The following RTN1 variants were observed in gnomAD, a reference collection of about 807,000 sequenced individuals.
RTN1 encodes reticulon 1.
In RTN1, 25 loss-of-function variants were observed where a neutral mutation model predicts 65.5. The observed-to-expected ratio is 0.38, with a 90% CI of 0.28 to 0.53. The LOEUF is 0.53. Ranked by LOEUF, RTN1 falls within the 20% of genes least tolerant of loss-of-function variation. RTN1 has a pLI of 0.79. For missense variants in RTN1, 983 were observed against 1,025.4 expected (o/e 0.96, Z 0.57); for synonymous variants, 471 against 447.6 (o/e 1.05, Z -0.66).
At chr14:59,611,353 A>G (rs1713011216) in intron 3 of RTN1, among the ~76,000 whole-genome samples, 1 of 152,178 alleles carries the variant, frequency 6.6e-6, no homozygotes, top group African/African-American at 2.4e-5. Context: ...CTGGCGTGGC[A>G]CTGCTGACCC....
chr14:59,805,237 GT>G (rs1468762658), intron 1 of RTN1, among the ~76,000 whole-genome samples: 3 of 152,146 alleles, frequency 2.0e-5, no homozygotes, highest in East Asian at 3.9e-4. Context: ...TATTCTGGTT[GT>G]TTTGATACTT....
At chr14:59,859,294 T>G (rs181347158) in intron 1 of RTN1, among the ~76,000 whole-genome samples, 1 of 152,216 alleles carries the variant, frequency 6.6e-6, no homozygotes, top group East Asian at 1.9e-4. Context: ...GTTCTCGTGA[T>G]AGCGAGATCT....
At chr14:59,714,232 TAAAA>T (rs66785056) in intron 3 of RTN1, among the ~76,000 whole-genome samples, 7,626 of 127,756 alleles carry the variant, frequency 0.06, 246 homozygotes, top group Non-Finnish European at 0.089. Context: ...AGACTCCGTC[TAAAA>T]AAAAAAAAAA....
At chr14:59,730,333 T>G (rs1269901734) in intron 2 of RTN1, among the ~76,000 whole-genome samples, 1 of 152,150 alleles carries the variant, frequency 6.6e-6, no homozygotes, top group Non-Finnish European at 1.5e-5. Flanking sequence ...AGAAAAAGAA[T>G]GAAATTAAAC....
intron 3 of RTN1, among the ~76,000 whole-genome samples, chr14:59,651,083 T>C (rs372967067): frequency 6.6e-6 from 1 of 152,130 alleles, no homozygotes; most frequent in East Asian, 1.9e-4. Context: ...GCTAAGGCAA[T>C]CACAAGCAAA....
Position 59,732,353 on chromosome 14 carries a change from C to A in RTN1, c.1016-4685G>T, listed in dbSNP as rs527960400. Among the ~76,000 whole-genome samples the A allele has an allele frequency of 2.0e-5, 3 of 152,286 alleles. No homozygotes were observed. In the South Asian group the frequency reaches 6.2e-4, roughly 32 times the overall value. On this transcript the variant is annotated intron_variant, in intron 2 of 8. Transcript: ENST00000267484. The stretch of plus-strand genomic sequence containing the variant: ...GAATAGAATCAGCTTCGGTCCCTGG[C>A]ACTCATGGAGAGGAACGAAAGGGGC...
In RTN1 at chr14:59,829,743, A is replaced by G. The variant is rs1887094276; in HGVS notation, c.241+40647T>C. ...TGCTTCCACAAAGCAAGAGGAAGGAAATGTGGTGAAGCACATACTCACTCT... is the reference window on the plus strand; with the variant it reads ...TGCTTCCACAAAGCAAGAGGAAGGAGATGTGGTGAAGCACATACTCACTCT... On this transcript the variant is annotated intron_variant, in intron 1 of 8. Coordinates refer to ENST00000267484, the MANE Select transcript of RTN1 (RefSeq NM_021136.3). This position sits in a 1 kb window ranked among gnomAD's most constrained non-coding sequence, Gnocchi z 4.3. 6.6e-6 allele frequency among the ~76,000 whole-genome samples: 1 copy of G among 152,178 alleles called. No individual in the cohort carries two copies. The highest frequency in any genetic ancestry group is 2.4e-5 in the African/African-American group (1 of 41,438).
At chr14:59,841,273 A>G (rs1185825181) in intron 1 of RTN1, among the ~76,000 whole-genome samples, 1 of 152,236 alleles carries the variant, frequency 6.6e-6, no homozygotes, top group Non-Finnish European at 1.5e-5. Context: ...CAAGTAATGA[A>G]GGAATAAAAC....
intron 3 of RTN1, among the ~76,000 whole-genome samples, chr14:59,656,573 A>T (rs1034129459): frequency 6.6e-6 from 1 of 152,146 alleles, no homozygotes; most frequent in East Asian, 1.9e-4. Flanking sequence ...GCAGCTTTAC[A>T]TGGTCACTTG....
At chr14:59,818,597 G>A (rs1030060299) in intron 1 of RTN1, among the ~76,000 whole-genome samples, 7 of 152,076 alleles carry the variant, frequency 4.6e-5, no homozygotes, top group African/African-American at 1.7e-4. Flanking sequence ...CCATGTCTTT[G>A]TCATCGCGAA....
rs1275363189 is a variant in RTN1 at position 59,853,935 on chromosome 14, G to T, written c.241+16455C>A. Reference sequence around the variant, plus strand: ...GCTGGAGTGCAGAAGTGTAATCTCGGCTCACTGCAACCTCCGCCTCCTGGG... The same window carrying T: ...GCTGGAGTGCAGAAGTGTAATCTCGTCTCACTGCAACCTCCGCCTCCTGGG... On this transcript the variant is annotated intron_variant, in intron 1 of 8. Transcript: ENST00000267484. Among the ~76,000 whole-genome samples the T allele has an allele frequency of 5.3e-5, 8 of 149,994 alleles. No individual in the cohort carries two copies. The East Asian group carries it at 1.6e-3, about 30-fold the overall frequency.
chr14:59,632,335 T>G (rs1330015645), intron 3 of RTN1, among the ~76,000 whole-genome samples: 2 of 152,204 alleles, frequency 1.3e-5, no homozygotes, highest in Non-Finnish European at 2.9e-5. Context: ...CTCCCAATTT[T>G]TTTCATTGCC....
intron 3 of RTN1, among the ~76,000 whole-genome samples, chr14:59,657,896 C>T (rs1883157063): frequency 6.6e-6 from 1 of 152,132 alleles, no homozygotes. Context: ...CCAGACAGAA[C>T]CATTCACTGC....
intron 3 of RTN1, among the ~76,000 whole-genome samples, chr14:59,647,514 A>T (rs536950422): frequency 6.6e-6 from 1 of 152,350 alleles, no homozygotes; most frequent in East Asian, 1.9e-4. Context: ...TCATCACCAC[A>T]TGGCACATAT....
intron 2 of RTN1, among the ~76,000 whole-genome samples, chr14:59,738,771 A>T (rs1205910161): frequency 1.3e-5 from 2 of 152,220 alleles, no homozygotes; most frequent in African/African-American, 4.8e-5. Context: ...TCAATGATAG[A>T]CTGGATAAAG....
At chr14:59,657,629 G>A (rs1291749360) in intron 3 of RTN1, among the ~76,000 whole-genome samples, 1 of 152,174 alleles carries the variant, frequency 6.6e-6, no homozygotes, top group African/African-American at 2.4e-5. Flanking sequence ...CCTCACCCAG[G>A]AAGTGCAAGG....
chr14:59,727,105 A>C lies in RTN1; in HGVS notation c.1579T>G (p.Ser527Ala). ...AEPGSFLDYP[S>A]TEPQPGPELP... ...TCGGGGCCAGGCTGGGGCTCAGTTG[A>C]GGGGTAGTCGAGGAAGGAACCCGGC... Residue 527 changes from serine to alanine, a missense_variant, in exon 3 of 9, where the codon TCA becomes GCA. Around this residue, in one of 2 missense-constraint regions of RTN1, gnomAD observed 818 missense variants for 801.8 expected, o/e 1.02. Transcript: ENST00000267484. The surrounding 1 kb of genome is among the most constrained non-coding windows in gnomAD (Gnocchi z 4.2). The C allele has an allele frequency of 6.2e-7, 1 of 1,610,142 alleles. No individual in the cohort carries two copies.
intron 1 of RTN1, among the ~76,000 whole-genome samples, chr14:59,756,413 G>C (rs1566716284): frequency 6.6e-6 from 1 of 152,080 alleles, no homozygotes; most frequent in African/African-American, 2.4e-5. Context: ...AATTCATATA[G>C]CATAAAATTC....
chr14:59,770,375 C>T (rs10131621), intron 1 of RTN1, among the ~76,000 whole-genome samples: 44,663 of 114,762 alleles, frequency 0.39, 9,802 homozygotes, highest in African/African-American at 0.54. Context: ...TGAAACTCTG[C>T]CTCAAAAAAA....
Sources: gnomAD v4.1 joint callset for allele counts (sites outside exome capture counted in the v4.1 genomes callset) on GRCh38, gnomAD v4.1.1 for gene constraint, gnomAD v4.1.1 regional missense constraint, Gnocchi (gnomAD v3.1) non-coding constraint, MANE v1.5 for transcripts, NCBI Gene and HGNC (gene_info 2026-07-23, HGNC 2026-07-21) for gene names.